RELN: variants seen among roughly 807,000 people sequenced by gnomAD.
RELN encodes reelin.
In RELN, 108 loss-of-function variants were observed where a neutral mutation model predicts 427.6. The observed-to-expected ratio is 0.25, with a 90% CI of 0.22 to 0.30. The LOEUF is 0.30. RELN is among the 10% of genes least tolerant of loss of function. The pLI is 1.00. For synonymous variants in RELN, 1,524 were observed against 1,513.4 expected, an observed-to-expected ratio of 1.01 and a Z score of -0.16; for missense variants, 3,715 against 4,302.8, an observed-to-expected ratio of 0.86 and a Z score of 3.82.
intron 6 of RELN, among the ~76,000 whole-genome samples, chr7:103,740,086 AC>A (rs1790603228): frequency 6.6e-6 from 1 of 152,178 alleles, no homozygotes; most frequent in African/African-American, 2.4e-5. Flanking sequence ...TCCTCATTCT[AC>A]CTTCTACCTT....
intron 41 of RELN, among the ~76,000 whole-genome samples, chr7:103,547,053 AAAG>A (rs577658110): frequency 6.6e-6 from 1 of 152,212 alleles, no homozygotes; most frequent in Non-Finnish European, 1.5e-5. Flanking sequence ...AACTCAGTTC[AAAG>A]AAGACAGATT....
intron 1 of RELN, among the ~76,000 whole-genome samples, chr7:103,934,250 T>A (rs1405886899): frequency 6.6e-6 from 1 of 152,208 alleles, no homozygotes; most frequent in East Asian, 1.9e-4. Flanking sequence ...TTATACCTGG[T>A]GTCCTCTGTA....
chr7:103,978,602 A>G (rs1481222331), intron 1 of RELN, among the ~76,000 whole-genome samples: 1 of 152,204 alleles, frequency 6.6e-6, no homozygotes, highest in African/African-American at 2.4e-5. Flanking sequence ...TCACTAAGCA[A>G]TACGTGTCAA....
chr7:103,814,480 A>T (rs903149248), intron 3 of RELN, among the ~76,000 whole-genome samples: 1 of 152,200 alleles, frequency 6.6e-6, no homozygotes, highest in Admixed American at 6.5e-5. Flanking sequence ...GTTCCAGAAA[A>T]CCAAGAATAT....
At chr7:103,635,925 C>A (rs1832570120) in intron 18 of RELN, among the ~76,000 whole-genome samples, 1 of 152,088 alleles carries the variant, frequency 6.6e-6, no homozygotes, top group Non-Finnish European at 1.5e-5. Context: ...TCTAATCAGC[C>A]TCCTCAAGCT....
intron 6 of RELN, among the ~76,000 whole-genome samples, chr7:103,746,274 G>A (rs544397972): frequency 6.6e-6 from 1 of 152,156 alleles, no homozygotes; most frequent in African/African-American, 2.4e-5. Context: ...ATTCAAGATG[G>A]ATTAAAGACT....
intron 3 of RELN, among the ~76,000 whole-genome samples, chr7:103,781,915 C>T (rs1177291148): frequency 6.6e-6 from 1 of 151,854 alleles, no homozygotes; most frequent in Non-Finnish European, 1.5e-5. Context: ...ACTATTTGCA[C>T]TTAATTTTAC....
rs74515280 is a variant in RELN, at chr7:103,763,824, G to A, written c.545-10610C>T. On this transcript the variant is annotated intron_variant, in intron 4 of 64. Transcript: ENST00000428762. ...GAAGTCCTGAAATCCAGGCTGAACT[G>A]GGGGGAAACAGAGGGCAGTTATAGG... Among the ~76,000 whole-genome samples the A allele has an allele frequency of 7.2e-3, 1,101 of 152,178 alleles. 17 individuals are homozygous for A. Among genetic ancestry groups the A allele is most frequent in the African/African-American group, 0.025 (1,053 of 41,494 alleles).
At chr7:103,916,589 G>A (rs921216883) in intron 2 of RELN, among the ~76,000 whole-genome samples, 4 of 152,122 alleles carry the variant, frequency 2.6e-5, no homozygotes, top group African/African-American at 7.2e-5. Flanking sequence ...AATATTTTAA[G>A]TATTAAATAG....
chr7:103,767,982 A>T, intron 4 of RELN, among the ~76,000 whole-genome samples: 1 of 152,100 alleles, frequency 6.6e-6, no homozygotes, highest in South Asian at 2.1e-4. Flanking sequence ...CTAACATGGT[A>T]CCACGTTTAG....
intron 52 of RELN, among the ~76,000 whole-genome samples, chr7:103,502,551 C>A (rs1282251201): frequency 6.6e-6 from 1 of 152,158 alleles, no homozygotes; most frequent in Non-Finnish European, 1.5e-5. Flanking sequence ...GAATACAATG[C>A]TTTGATAAGA....
At chr7:103,878,942 G>T (rs74810421) in intron 2 of RELN, among the ~76,000 whole-genome samples, 1,970 of 152,264 alleles carry the variant, frequency 0.013, 37 homozygotes, top group African/African-American at 0.045. Context: ...ACTAGACTTG[G>T]AGTGAAGTCA....
chr7:103,780,236 CCCT>C (rs1184408859), intron 3 of RELN, among the ~76,000 whole-genome samples: 2 of 152,100 alleles, frequency 1.3e-5, no homozygotes, highest in Non-Finnish European at 2.9e-5. Context: ...TTCTGTGAGC[CCCT>C]CGACTTCTTT....
At position 103,907,414 on chromosome 7, in the gene RELN, G is replaced by GAAAAAAAAAAAAAAAAAAAAAAAAAAAAA. The variant is rs1795234328; in HGVS notation, c.337+9660_337+9661insTTTTTTTTTTTTTTTTTTTTTTTTTTTTT. Among the ~76,000 whole-genome samples, 2 of 39,714 alleles carry GAAAAAAAAAAAAAAAAAAAAAAAAAAAAA rather than the reference G, an allele frequency of 5.0e-5. 1 individual carries two copies. 26.1% of individuals were successfully genotyped at this position (39,714 alleles called of 152,430 possible). ...GCCTGGGCAACAAGATCAAGGCTCTGGAAAAAAAAAAAAAAAAAAAAAAAA... is the reference window on the plus strand; with the variant it reads ...GCCTGGGCAACAAGATCAAGGCTCTGAAAAAAAAAAAAAAAAAAAAAAAAAAAAAGAAAAAAAAAAAAAAAAAAAAAAAA... On this transcript the variant is annotated intron_variant, in intron 2 of 64. Coordinates refer to ENST00000428762, the MANE Select transcript of RELN (RefSeq NM_005045.4).
chr7:103,735,145 T>C (rs144256602), intron 6 of RELN, among the ~76,000 whole-genome samples: 3 of 152,248 alleles, frequency 2.0e-5, no homozygotes, highest in Non-Finnish European at 2.9e-5. Context: ...GATCAAACCA[T>C]AAACATAAAA....
intron 6 of RELN, among the ~76,000 whole-genome samples, chr7:103,729,718 T>C (rs1790305376): frequency 6.6e-6 from 1 of 152,128 alleles, no homozygotes; most frequent in African/African-American, 2.4e-5. Flanking sequence ...CACATTGTAT[T>C]CCTGAAATAT....
intron 1 of RELN, 112 bp from the exon 2 acceptor site, chr7:103,917,297 T>A (rs1015242236): frequency 3.6e-6 from 3 of 828,166 alleles, no homozygotes; most frequent in African/African-American, 3.4e-5. Flanking sequence ...AAATTATTTT[T>A]ATACTATACC....
chr7:103,485,741 TATCCATCCAACC>T (rs56656749), intron 61 of RELN, among the ~76,000 whole-genome samples: 29,566 of 152,014 alleles, frequency 0.19, 3,213 homozygotes, highest in African/African-American at 0.3. Context: ...TTAAAGGTCT[TATCCATCCAACC>T]ATCCATCCAT....
chr7:103,602,769 G>A lies in RELN; in HGVS notation c.3333+535C>T, dbSNP rs112669395. Reference sequence around the variant, plus strand: ...TGGGTACAGCAAACCACCATGGCACGTGTATACCTATGTAACAAACCTGCA... The same window carrying A: ...TGGGTACAGCAAACCACCATGGCACATGTATACCTATGTAACAAACCTGCA... On this transcript the variant is annotated intron_variant, in intron 24 of 64. Coordinates refer to ENST00000428762, the MANE Select transcript of RELN (RefSeq NM_005045.4). 3.8e-3 allele frequency among the ~76,000 whole-genome samples: 579 copies of A among 152,080 alleles called. 7 individuals carry two copies. The highest frequency in any genetic ancestry group is 0.013 in the African/African-American group (544 of 41,500).
Sources: gnomAD v4.1 joint callset for allele counts (sites outside exome capture counted in the v4.1 genomes callset) on GRCh38, gnomAD v4.1.1 for gene constraint, MANE v1.5 for transcripts, NCBI Gene and HGNC (gene_info 2026-07-23, HGNC 2026-07-21) for gene names.